The following UST variants were observed in gnomAD, a reference collection of about 807,000 sequenced individuals.
UST encodes the protein chondroitin sulfate 2-O-sulfotransferase.
A neutral mutation model predicts 45.6 loss-of-function variants in UST; 21 were observed. That is an observed-to-expected ratio of 0.46 (90% CI 0.33 to 0.66). UST has a LOEUF of 0.66. Among genes scored for constraint, UST ranks in the 30% least tolerant of loss-of-function variants. UST has a pLI of 0.02. For missense variants in UST, 463 were observed against 512.4 expected (o/e 0.90, Z 0.93); for synonymous variants, 215 against 200.6 (o/e 1.07, Z -0.61).
At chr6:149,028,395 A>C (rs1776082136) in intron 7 of UST, among the ~76,000 whole-genome samples, 1 of 152,210 alleles carries the variant, frequency 6.6e-6, no homozygotes, top group Admixed American at 6.5e-5. Flanking sequence ...CTGCCCACCA[A>C]GCCCATCACA....
At chr6:148,834,250 G>C (rs1777744327) in intron 1 of UST, among the ~76,000 whole-genome samples, 1 of 152,074 alleles carries the variant, frequency 6.6e-6, no homozygotes, top group Admixed American at 6.6e-5. Context: ...TTAATTCCTT[G>C]ACCACATTTT....
At chr6:148,871,117 C>CCCCTCTCTCTCTCTCTCTCT (rs1554221900) in intron 1 of UST, among the ~76,000 whole-genome samples, 1 of 97,586 alleles carries the variant, frequency 1.0e-5, no homozygotes, top group African/African-American at 4.6e-5. Context: ...GCATTCTCTC[C>CCCCTCTCTCTCTCTCTCTCT]CTCTCTCTCT....
intron 1 of UST, among the ~76,000 whole-genome samples, chr6:148,827,249 G>A (rs1777586812): frequency 2.0e-5 from 3 of 152,148 alleles, no homozygotes; most frequent in Non-Finnish European, 2.9e-5. Context: ...ACTTTTTAGA[G>A]TGGAATTAGA....
intron 5 of UST, among the ~76,000 whole-genome samples, chr6:149,013,645 C>G (rs567694057): frequency 6.6e-6 from 1 of 152,248 alleles, no homozygotes; most frequent in East Asian, 1.9e-4. Context: ...GCTGAGGACA[C>G]CCAGCTAATT....
intron 5 of UST, among the ~76,000 whole-genome samples, chr6:148,968,647 A>G (rs1356506654): frequency 6.6e-6 from 1 of 152,236 alleles, no homozygotes. Context: ...TTTCTAATGA[A>G]GAGCAACTGT....
rs116231387 is a variant in UST, at chr6:149,007,092, A to T, written c.682-12047A>T. On this transcript the variant is annotated intron_variant, in intron 5 of 7. Transcript: ENST00000367463. ...TGTTTTTTAAACATTCCAAAAAGTG[A>T]TCAAGACGTCATTCCAGGCAAGCTT... Among the ~76,000 whole-genome samples, 1,331 of 148,418 alleles carry T rather than the reference A, an allele frequency of 9.0e-3. 20 individuals carry two copies. Among genetic ancestry groups the T allele is most frequent in the African/African-American group, 0.031 (1,272 of 40,404 alleles).
At chr6:149,046,684 G>T (rs976519030) in intron 7 of UST, among the ~76,000 whole-genome samples, 1 of 152,202 alleles carries the variant, frequency 6.6e-6, no homozygotes, top group East Asian at 1.9e-4. Flanking sequence ...TAATGTGCCC[G>T]TGCACCGATG....
chr6:148,842,761 T>A (rs1777913351), intron 1 of UST, among the ~76,000 whole-genome samples: 1 of 152,180 alleles, frequency 6.6e-6, no homozygotes, highest in South Asian at 2.1e-4. Flanking sequence ...ATTCCTACCC[T>A]TGGAGAAGGC....
chr6:149,032,758 A>G (rs1776173823), intron 7 of UST, among the ~76,000 whole-genome samples: 1 of 152,042 alleles, frequency 6.6e-6, no homozygotes, highest in Admixed American at 6.5e-5. Flanking sequence ...TGTCTACCCC[A>G]GTTACTCAGT....
chr6:148,970,478 G>C lies in UST; in HGVS notation c.681+5915G>C, dbSNP rs1780892715. Among the ~76,000 whole-genome samples, 5 of 152,114 alleles carry C rather than the reference G, an allele frequency of 3.3e-5. No homozygotes were observed. The South Asian group carries it at 1.0e-3, about 32-fold the overall frequency. ...GGTGAAGATCAAACCACAAATAAGG[G>C]GAACTTGCATGAGGCTACCTTAGTT... On this transcript the variant is annotated intron_variant, in intron 5 of 7. Coordinates refer to ENST00000367463, the MANE Select transcript of UST (RefSeq NM_005715.3).
chr6:148,768,624 G>A (rs1776363394), intron 1 of UST, among the ~76,000 whole-genome samples: 1 of 151,830 alleles, frequency 6.6e-6, no homozygotes, highest in South Asian at 2.1e-4. Flanking sequence ...ATTTATTTTG[G>A]TGTAAAGTAA....
At chr6:149,045,828 G>C (rs763277341) in intron 7 of UST, among the ~76,000 whole-genome samples, 10 of 152,112 alleles carry the variant, frequency 6.6e-5, no homozygotes, top group Non-Finnish European at 1.3e-4. Flanking sequence ...AAGGGATGCA[G>C]ATTACTCCAC....
intron 5 of UST, among the ~76,000 whole-genome samples, chr6:149,018,344 T>A (rs994445799): frequency 6.6e-6 from 1 of 152,174 alleles, no homozygotes; most frequent in Non-Finnish European, 1.5e-5. Context: ...GCCAGTATAG[T>A]CTCTGGAAAA....
intron 4 of UST, among the ~76,000 whole-genome samples, chr6:148,954,387 A>G (rs1311695745): frequency 6.6e-6 from 1 of 152,246 alleles, no homozygotes; most frequent in South Asian, 2.1e-4. Context: ...CTGTCTTTTT[A>G]ATACAATCGT....
chr6:149,043,011 CTT>C (rs759894588), intron 7 of UST, among the ~76,000 whole-genome samples: 4 of 105,662 alleles, frequency 3.8e-5, no homozygotes, highest in African/African-American at 2.0e-4. Context: ...TTCTTTCTTT[CTT>C]TCTTTCTTTT....
At chr6:148,936,830 G>A (rs559094992) in intron 2 of UST, among the ~76,000 whole-genome samples, 1 of 151,996 alleles carries the variant, frequency 6.6e-6, no homozygotes, top group South Asian at 2.1e-4. Flanking sequence ...TGAGTAGCTG[G>A]GACTACAGGC....
intron 1 of UST, among the ~76,000 whole-genome samples, chr6:148,810,900 A>G (rs1246112950): frequency 6.6e-6 from 1 of 152,228 alleles, no homozygotes; most frequent in Admixed American, 6.5e-5. Flanking sequence ...AGTTGGGAGT[A>G]TTGTATACTA....
chr6:148,939,589 A>G (rs374721917), intron 2 of UST, among the ~76,000 whole-genome samples: 27 of 152,340 alleles, frequency 1.8e-4, no homozygotes, highest in East Asian at 1.5e-3. Context: ...TGACAAGGGT[A>G]CTAAACAGCT....
At chr6:148,908,656 TTC>T (rs1779414077) in intron 2 of UST, among the ~76,000 whole-genome samples, 3 of 152,338 alleles carry the variant, frequency 2.0e-5, no homozygotes, top group Admixed American at 1.3e-4. Flanking sequence ...TAATATCAAA[TTC>T]TCTTTTTAAC....
Sources: allele counts gnomAD v4.1 joint callset (sites outside exome capture counted in the v4.1 genomes callset), GRCh38; gene constraint gnomAD v4.1.1; transcripts MANE v1.5; gene names NCBI Gene and HGNC (gene_info 2026-07-23, HGNC 2026-07-21).